PLD5: variants seen among roughly 807,000 people sequenced by gnomAD.
PLD5 encodes the protein phospholipase D family member 5, also known as inactive phospholipase D5.
In PLD5, 36 loss-of-function variants were observed where a neutral mutation model predicts 61.1. The ratio of observed to expected loss-of-function variants is 0.59; its 90% CI spans 0.45 to 0.78. The LOEUF is 0.78. Among genes scored for constraint, PLD5 ranks in the 30% least tolerant of loss-of-function variants. The probability of loss-of-function intolerance (pLI) is 0.00; values close to 1 mark genes in which losing one functional copy is unlikely to be tolerated. For synonymous variants in PLD5, 243 were observed against 242.8 expected (o/e 1.00, Z -0.01); for missense variants, 515 against 644.4 (o/e 0.80, Z 2.17).
chr1:242,420,848 T>C (rs1467112460), intron 1 of PLD5, among the ~76,000 whole-genome samples: 3 of 152,140 alleles, frequency 2.0e-5, no homozygotes, highest in African/African-American at 7.2e-5. Flanking sequence ...AAAATGCATG[T>C]CCATTTTGCA....
At chr1:242,465,747 C>T (rs35233973) in intron 1 of PLD5, among the ~76,000 whole-genome samples, 12,852 of 152,116 alleles carry the variant, frequency 0.084, 714 homozygotes, top group South Asian at 0.2. Flanking sequence ...GCCAAGATGG[C>T]GAAACCCCAT....
At position 242,394,781 on chromosome 1, in the gene PLD5, T is replaced by TAC. The variant is rs1663334709; in HGVS notation, c.190-46540_190-46539insGT. On this transcript the variant is annotated intron_variant, in intron 1 of 9. Coordinates refer to ENST00000536534, the MANE Select transcript of PLD5 (RefSeq NM_001372062.1). ...GTGTATATATGTGAATATATATGTG[T>TAC]ATATATGTGAATATATATGTGTATA... Among the ~76,000 whole-genome samples the TAC allele has an allele frequency of 2.5e-4, 18 of 71,366 alleles. 6 individuals carry two copies. Among genetic ancestry groups the TAC allele is most frequent in the Non-Finnish European group, 4.1e-4 (15 of 37,008 alleles). 46.8% of individuals were successfully genotyped at this position (71,366 alleles called of 152,430 possible). A position where few individuals can be genotyped will look rare whatever the true frequency, so the allele number is the denominator to read the frequency against.
chr1:242,152,373 C>G (rs141145774), intron 5 of PLD5, among the ~76,000 whole-genome samples: 1 of 151,820 alleles, frequency 6.6e-6, no homozygotes, highest in African/African-American at 2.4e-5. Context: ...TTTCTTATTA[C>G]ACTTTAAGTT....
chr1:242,094,913 C>T (rs1334867024), intron 9 of PLD5, among the ~76,000 whole-genome samples: 3 of 152,022 alleles, frequency 2.0e-5, no homozygotes, highest in Non-Finnish European at 4.4e-5. Context: ...GTTTGTCTCA[C>T]TCTAAAATAT....
At chr1:242,252,415 A>T (rs1672753718) in intron 4 of PLD5, among the ~76,000 whole-genome samples, 1 of 152,182 alleles carries the variant, frequency 6.6e-6, no homozygotes, top group Middle Eastern at 3.2e-3. Flanking sequence ...GCTCTGTCAG[A>T]AGACAATATG....
chr1:242,334,961 T>A (rs1659415266), intron 2 of PLD5, among the ~76,000 whole-genome samples: 1 of 152,182 alleles, frequency 6.6e-6, no homozygotes, highest in East Asian at 1.9e-4. Context: ...CTCCGCAAAT[T>A]TGCATCCCTA....
intron 5 of PLD5, among the ~76,000 whole-genome samples, chr1:242,201,636 C>T (rs1016227475): frequency 6.6e-6 from 1 of 152,070 alleles, no homozygotes; most frequent in Non-Finnish European, 1.5e-5. Context: ...ATCCTCTTAC[C>T]TCAGCCTCCT....
At chr1:242,286,673 C>T (rs1675044791) in intron 3 of PLD5, among the ~76,000 whole-genome samples, 1 of 152,198 alleles carries the variant, frequency 6.6e-6, no homozygotes, top group Admixed American at 6.5e-5. Flanking sequence ...AGTATAAAAA[C>T]ATCTTACTTT....
chr1:242,182,241 G>A (rs1211524228), intron 5 of PLD5, among the ~76,000 whole-genome samples: 3 of 152,190 alleles, frequency 2.0e-5, no homozygotes, highest in African/African-American at 7.2e-5. Context: ...ACTCACAACT[G>A]CTCTGTCATT....
chr1:242,395,007 ATATATATGAATATATATG>A (rs1558528048), intron 1 of PLD5, among the ~76,000 whole-genome samples: 1 of 98,592 alleles, frequency 1.0e-5, no homozygotes, highest in Non-Finnish European at 2.0e-5. Context: ...GTATATATGA[ATATATATGAATATATATG>A]TATATATGAA....
intron 1 of PLD5, among the ~76,000 whole-genome samples, chr1:242,356,627 C>A (rs3905157): frequency 0.99 from 149,623 of 151,588 alleles, 73,871 homozygotes; most frequent in Non-Finnish European, 1. Context: ...TAGTTACTTT[C>A]TTTCTTTCTT....
chr1:242,254,348 G>GAA (rs59783629), intron 4 of PLD5, among the ~76,000 whole-genome samples: 205 of 132,664 alleles, frequency 1.5e-3, no homozygotes, highest in Middle Eastern at 3.9e-3. Context: ...TCATTTAACT[G>GAA]AAAAAAAAAA....
rs112321705 is a variant in PLD5, at chr1:242,502,835, C to T, written c.189+21253G>A. On this transcript the variant is annotated intron_variant, in intron 1 of 9. Transcript: ENST00000536534. ...CAGCACTTTGGGAGGCTGAGGTGGG[C>T]GGATCACCTGAGGTCAGGAGTTTGA... 2.1e-3 allele frequency among the ~76,000 whole-genome samples: 315 copies of T among 152,042 alleles called. 2 individuals carry two copies. Among genetic ancestry groups the T allele is most frequent in the African/African-American group, 7.3e-3 (303 of 41,478 alleles).
intron 1 of PLD5, among the ~76,000 whole-genome samples, chr1:242,400,704 C>T (rs778553520): frequency 6.6e-6 from 1 of 152,074 alleles, no homozygotes; most frequent in Non-Finnish European, 1.5e-5. Context: ...TTCCAAGTCC[C>T]GGGATCTTTT....
intron 4 of PLD5, among the ~76,000 whole-genome samples, chr1:242,223,168 T>A (rs1263728589): frequency 1.3e-5 from 2 of 152,138 alleles, no homozygotes; most frequent in Non-Finnish European, 2.9e-5. Context: ...GTGGAAAACA[T>A]GAGGATCTCT....
chr1:242,418,942 T>G (rs1664976165), intron 1 of PLD5, among the ~76,000 whole-genome samples: 1 of 152,238 alleles, frequency 6.6e-6, no homozygotes, highest in Admixed American at 6.5e-5. Context: ...ATCTACGTAT[T>G]ATCTAAGAAC....
At chr1:242,112,749 G>A (rs1381076556) in intron 7 of PLD5, among the ~76,000 whole-genome samples, 3 of 152,072 alleles carry the variant, frequency 2.0e-5, no homozygotes, top group Non-Finnish European at 2.9e-5. Context: ...TGCTTATTTT[G>A]AAACTGTAAT....
chr1:242,483,590 A>G (rs1401720134), intron 1 of PLD5, among the ~76,000 whole-genome samples: 1 of 152,148 alleles, frequency 6.6e-6, no homozygotes, highest in African/African-American at 2.4e-5. Context: ...AGAGACTTAG[A>G]CTCCCACACA....
intron 5 of PLD5, among the ~76,000 whole-genome samples, chr1:242,162,287 T>C (rs929837461): frequency 2.0e-5 from 3 of 152,188 alleles, no homozygotes; most frequent in Non-Finnish European, 4.4e-5. Flanking sequence ...CCAGATAAAC[T>C]GGAAGCTCTT....
Sources: allele counts gnomAD v4.1 joint callset (sites outside exome capture counted in the v4.1 genomes callset), GRCh38; gene constraint gnomAD v4.1.1; transcripts MANE v1.5; gene names NCBI Gene and HGNC (gene_info 2026-07-23, HGNC 2026-07-21).